SYT9: variants seen among roughly 807,000 people sequenced by gnomAD.
SYT9 encodes synaptotagmin-9.
In SYT9, 22 loss-of-function variants were observed where a neutral mutation model predicts 48.4. The ratio of observed to expected loss-of-function variants is 0.45; its 90% CI spans 0.32 to 0.65. The LOEUF is 0.65. Among genes scored for constraint, SYT9 ranks in the 30% least tolerant of loss-of-function variants. The pLI, the probability that SYT9 is intolerant of heterozygous loss-of-function variation, is 0.03. For synonymous variants in SYT9, 265 were observed against 245.0 expected (o/e 1.08, Z -0.76); for missense variants, 577 against 622.0 (o/e 0.93, Z 0.77).
chr11:7,328,133 G>C (rs1849468625), intron 3 of SYT9, among the ~76,000 whole-genome samples: 1 of 151,268 alleles, frequency 6.6e-6, no homozygotes, highest in Non-Finnish European at 1.5e-5. Context: ...GTTTTGTCTT[G>C]TATATTTCTA....
chr11:7,355,056 A>T (rs1849991756), intron 3 of SYT9, among the ~76,000 whole-genome samples: 1 of 152,140 alleles, frequency 6.6e-6, no homozygotes, highest in African/African-American at 2.4e-5. Context: ...ATTAATTATT[A>T]TTTCTTCAAG....
intron 6 of SYT9, among the ~76,000 whole-genome samples, chr11:7,461,850 G>A (rs1043292601): frequency 1.8e-4 from 27 of 152,144 alleles, no homozygotes; most frequent in African/African-American, 6.3e-4. Context: ...CCACCTCATC[G>A]AAAAATATGA....
intron 1 of SYT9, among the ~76,000 whole-genome samples, chr11:7,276,683 C>T (rs187337400): frequency 3.5e-3 from 538 of 152,192 alleles, no homozygotes; most frequent in Non-Finnish European, 5.9e-3. Context: ...TTCTTTTAAG[C>T]ATCAGTTTTG....
chr11:7,282,991 A>G (rs1848529794), intron 1 of SYT9, among the ~76,000 whole-genome samples: 1 of 151,434 alleles, frequency 6.6e-6, no homozygotes, highest in African/African-American at 2.4e-5. Context: ...AGAGAGAGAA[A>G]GCTTTAATTT....
chr11:7,415,473 T>C (rs372007119), intron 3 of SYT9, among the ~76,000 whole-genome samples: 1 of 152,038 alleles, frequency 6.6e-6, no homozygotes. Context: ...AGGGAGGATA[T>C]GGTCGCAAGT....
intron 1 of SYT9, among the ~76,000 whole-genome samples, chr11:7,293,401 A>G (rs2133922307): frequency 6.6e-6 from 1 of 152,308 alleles, no homozygotes; most frequent in African/African-American, 2.4e-5. Flanking sequence ...TAAAAATGGT[A>G]TGGCCCTGCA....
chr11:7,282,367 C>G (rs141409341), intron 1 of SYT9, among the ~76,000 whole-genome samples: 1 of 152,230 alleles, frequency 6.6e-6, no homozygotes, highest in Non-Finnish European at 1.5e-5. Flanking sequence ...TGATTGCATA[C>G]AAATCTCCTA....
At chr11:7,396,942 G>A in intron 3 of SYT9, among the ~76,000 whole-genome samples, 1 of 152,116 alleles carries the variant, frequency 6.6e-6, no homozygotes, top group East Asian at 1.9e-4. Context: ...CATTCAGCAT[G>A]TGGCCTGCCC....
intron 3 of SYT9, among the ~76,000 whole-genome samples, chr11:7,380,725 A>G (rs971687236): frequency 6.6e-6 from 1 of 152,226 alleles, no homozygotes; most frequent in African/African-American, 2.4e-5. Context: ...TGTCCAGACT[A>G]TACCTCTACT....
intron 1 of SYT9, among the ~76,000 whole-genome samples, chr11:7,240,738 A>G (rs1177355696): frequency 6.6e-6 from 1 of 152,222 alleles, no homozygotes; most frequent in African/African-American, 2.4e-5. Context: ...GTTTTAATCA[A>G]TGGAGGTTAA....
chr11:7,307,770 GA>G, intron 2 of SYT9, among the ~76,000 whole-genome samples: 1 of 152,346 alleles, frequency 6.6e-6, no homozygotes, highest in East Asian at 1.9e-4. Flanking sequence ...CAATGGGAAT[GA>G]AAAGAGACAT....
At position 7,275,982 on chromosome 11, in the gene SYT9, T is replaced by A. The variant is rs186207492; in HGVS notation, c.145+23651T>A. Among the ~76,000 whole-genome samples the A allele has an allele frequency of 1.1e-4, 17 of 152,304 alleles. No homozygotes were observed. In the East Asian group the frequency reaches 2.7e-3, roughly 24 times the overall value. On this transcript the variant is annotated intron_variant, in intron 1 of 6. Transcript: ENST00000318881. Reference sequence around the variant, plus strand: ...TTATTGTTTGCGCCTCACCCCCAACTAGAATGTAAGCTCTATTTATCTGTC... The same window carrying A: ...TTATTGTTTGCGCCTCACCCCCAACAAGAATGTAAGCTCTATTTATCTGTC...
intron 1 of SYT9, among the ~76,000 whole-genome samples, chr11:7,282,457 C>A (rs1308165736): frequency 6.6e-6 from 1 of 152,126 alleles, no homozygotes; most frequent in Non-Finnish European, 1.5e-5. Flanking sequence ...TATAAAATAT[C>A]CTTTGCCCAG....
At chr11:7,455,806 T>C (rs1848141354) in intron 6 of SYT9, among the ~76,000 whole-genome samples, 1 of 152,198 alleles carries the variant, frequency 6.6e-6, no homozygotes, top group Admixed American at 6.5e-5. Context: ...CAATAGGCTA[T>C]GCATTCTACA....
chr11:7,386,740 C>T (rs1350314860), intron 3 of SYT9, among the ~76,000 whole-genome samples: 7 of 152,246 alleles, frequency 4.6e-5, no homozygotes, highest in East Asian at 1.9e-4. Context: ...GTCAGTGTGG[C>T]GATTCCTTAG....
intron 1 of SYT9, among the ~76,000 whole-genome samples, chr11:7,261,298 C>G (rs906240835): frequency 1.2e-4 from 19 of 152,110 alleles, no homozygotes; most frequent in African/African-American, 4.3e-4. Flanking sequence ...GCTGAAAATT[C>G]AGGTGAGTTT....
chr11:7,302,949 G>A, intron 1 of SYT9, 90 bp from the exon 2 acceptor site: 1 of 1,229,442 alleles, frequency 8.1e-7, no homozygotes, highest in Non-Finnish European at 1.2e-6. Flanking sequence ...CAAGGGATGA[G>A]TGGATGAGAG....
intron 6 of SYT9, among the ~76,000 whole-genome samples, chr11:7,424,662 G>T (rs1847420589): frequency 6.6e-6 from 1 of 152,174 alleles, no homozygotes; most frequent in South Asian, 2.1e-4. Flanking sequence ...TCTAAAAGAA[G>T]AAAGAGAATC....
rs1476449358 is a variant in SYT9, at chr11:7,313,421, A to G, written c.524A>G (p.Asn175Ser). The change falls in exon 3 of 7, where the codon AAC becomes AGC. Residue 175 changes from asparagine to serine, a missense_variant. Transcript: ENST00000318881. ...ARHNSIRRQL[N>S]LSNPDFNIQQ... ...CATAATTCAATCCGAAGACAACTCAACTTGTCAAACCCGGACTTCAATATC... is the reference window on the plus strand; with the variant it reads ...CATAATTCAATCCGAAGACAACTCAGCTTGTCAAACCCGGACTTCAATATC... The G allele has an allele frequency of 1.2e-6, 2 of 1,612,918 alleles. No individual in the cohort carries two copies. The highest frequency in any genetic ancestry group is 1.7e-6 in the Non-Finnish European group (2 of 1,179,606).
Sources: gnomAD v4.1 joint callset for allele counts (sites outside exome capture counted in the v4.1 genomes callset) on GRCh38, gnomAD v4.1.1 for gene constraint, MANE v1.5 for transcripts, NCBI Gene and HGNC (gene_info 2026-07-23, HGNC 2026-07-21) for gene names.